Variants in DNTTIP1 observed in about 807,000 individuals in gnomAD.
DNTTIP1 encodes deoxynucleotidyltransferase terminal-interacting protein 1.
DNTTIP1 carries 22 observed loss-of-function variants against 52.9 expected under a neutral mutation model. That is an observed-to-expected ratio of 0.42 (90% CI 0.30 to 0.59). DNTTIP1 has a LOEUF of 0.59. DNTTIP1 is among the 20% of genes least tolerant of loss of function. DNTTIP1 has a pLI of 0.22. For missense variants in DNTTIP1, 286 were observed against 435.5 expected, an observed-to-expected ratio of 0.66 and a Z score of 3.06; for synonymous variants, 136 against 155.1, an observed-to-expected ratio of 0.88 and a Z score of 0.92.
intron 4 of DNTTIP1, among the ~76,000 whole-genome samples, chr20:45,797,950 A>C (rs985548678): frequency 1.3e-5 from 2 of 152,240 alleles, no homozygotes; most frequent in Non-Finnish European, 2.9e-5. Context: ...TAGAACTAGA[A>C]ATACCATTTG....
Position 45,803,364 on chromosome 20 carries a change from C to T in DNTTIP1, c.589C>T (p.Arg197Trp), listed in dbSNP as rs1312760829. The change falls in exon 8 of 13, where the codon CGG becomes TGG. Residue 197 changes from arginine to tryptophan, a missense_variant. Arg to Trp is a moderately radical substitution (Grantham distance 101). This residue lies in a region of DNTTIP1 where 208 missense variants were observed against 266.5 expected (regional missense o/e 0.78). Transcript: ENST00000372622. ...ACCAAAATCCTGTGAACCAATTCGC[C>T]GGGAAGGCCCCAAGGTATGATTATG... ...WKPKSCEPIR[R>W]EGPKWDPARL... 2.5e-6 allele frequency: 4 copies of T among 1,614,108 alleles called. No homozygotes were observed. The highest frequency in any genetic ancestry group is 1.1e-5 in the South Asian group (1 of 91,080).
intron 1 of DNTTIP1, 63 bp from the exon 2 acceptor site, chr20:45,792,614 T>A: frequency 1.9e-5 from 24 of 1,284,252 alleles, no homozygotes; most frequent in Non-Finnish European, 2.5e-5. Flanking sequence ...ATACCCACCC[T>A]CCACCTCCAC....
chr20:45,808,999 C>A, intron 10 of DNTTIP1, 115 bp from the exon 11 acceptor site: 1 of 888,116 alleles, frequency 1.1e-6, no homozygotes, highest in Non-Finnish European at 1.8e-6. Flanking sequence ...GTCCACCACG[C>A]TTGGAGACAA....
chr20:45,792,214 G>C (rs979327539), intron 1 of DNTTIP1, 105 bp downstream of exon 1: 1 of 691,890 alleles, frequency 1.4e-6, no homozygotes, highest in African/African-American at 1.8e-5. Context: ...AGCTGCAGAG[G>C]GGGTTGGCGT....
intron 7 of DNTTIP1, 146 bp downstream of exon 7, chr20:45,802,203 G>T (rs1981498329): frequency 2.3e-6 from 2 of 865,812 alleles, no homozygotes; most frequent in Non-Finnish European, 3.8e-6. Flanking sequence ...CTGGTTGGAG[G>T]GGTGAGGAAG....
chr20:45,794,098 CTTTCCT>C, intron 3 of DNTTIP1, 81 bp downstream of exon 3: 2 of 820,098 alleles, frequency 2.4e-6, no homozygotes. Flanking sequence ...CAGTCTGTCT[CTTTCCT>C]ACATACAGAT....
chr20:45,791,968 GAC>G lies in DNTTIP1; in HGVS notation c.-35_-34del. 2 of 1,212,592 alleles carry G rather than the reference GAC, an allele frequency of 1.6e-6. No homozygotes were observed. The highest frequency in any genetic ancestry group is 2.1e-6 in the Non-Finnish European group (2 of 966,246). The allele number at this position is 1,212,592 out of a possible 1,614,324, so 75.1% of individuals were successfully genotyped here. The stretch of plus-strand genomic sequence containing the variant: ...GTCACGGCGCCACTTTCCGGCCGGT[GAC>G]AGAGTCCAGCGGAGTTGTGGGGGCC... On this transcript the variant is annotated 5_prime_UTR_variant, in exon 1 of 13. Transcript: ENST00000372622.
chr20:45,804,405 C>G (rs558225368), intron 8 of DNTTIP1, among the ~76,000 whole-genome samples: 2 of 152,198 alleles, frequency 1.3e-5, no homozygotes, highest in Admixed American at 1.3e-4. Flanking sequence ...ACTGCTTTAT[C>G]ACAGCGGCCT....
In DNTTIP1 at chr20:45,792,025, C is replaced by T. The variant is rs1981030072; in HGVS notation, c.21C>T (p.Ala7=). ...GCGCCATGGGAGCCACTGGCGACGCCGAGCAGCCGCGGGGACCTAGCGGGG... is the reference window on the plus strand; with the variant it reads ...GCGCCATGGGAGCCACTGGCGACGCTGAGCAGCCGCGGGGACCTAGCGGGG... The part of the protein sequence containing the change: MGATGD[A]EQPRGPSGAE... The change falls in exon 1 of 13, where the codon GCC becomes GCT. Residue 7 remains alanine (A), a synonymous_variant. Coordinates refer to ENST00000372622, the MANE Select transcript of DNTTIP1 (RefSeq NM_052951.3). 15 of 1,270,956 alleles carry T rather than the reference C, an allele frequency of 1.2e-5. No individual in the cohort carries two copies. Among genetic ancestry groups the T allele is most frequent in the Non-Finnish European group, 1.4e-5 (14 of 1,007,420 alleles). The allele number at this position is 1,270,956 out of a possible 1,614,324, so 78.7% of individuals were successfully genotyped here. A position where few individuals can be genotyped will look rare whatever the true frequency, so the allele number is the denominator to read the frequency against.
At position 45,809,028 on chromosome 20, in the gene DNTTIP1, G is replaced by C; in HGVS notation, c.724-86G>C. ...GAGACAAGGACTTTTGGTAAGAACTGCTCAAGGGCCAAGAGTATGCTCTGG... is the reference window on the plus strand; with the variant it reads ...GAGACAAGGACTTTTGGTAAGAACTCCTCAAGGGCCAAGAGTATGCTCTGG... On this transcript the variant is annotated intron_variant, in intron 10 of 12. Transcript: ENST00000372622. This position sits in a 1 kb window ranked among gnomAD's most constrained non-coding sequence, Gnocchi z 4.2. 1 of 1,208,818 alleles carries C rather than the reference G, an allele frequency of 8.3e-7. No homozygotes were observed. Among genetic ancestry groups the C allele is most frequent in the South Asian group, 1.2e-5 (1 of 80,242 alleles). The allele number at this position is 1,208,818 out of a possible 1,614,324, so 74.9% of individuals were successfully genotyped here. A position where few individuals can be genotyped will look rare whatever the true frequency, so the allele number is the denominator to read the frequency against.
In DNTTIP1 at chr20:45,792,034, G is replaced by A; in HGVS notation, c.30G>A (p.Pro10=). MGATGDAEQ[P]RGPSGAERGG... ...GAGCCACTGGCGACGCCGAGCAGCCGCGGGGACCTAGCGGGGCCGAGAGGG... is the reference window on the plus strand; with the variant it reads ...GAGCCACTGGCGACGCCGAGCAGCCACGGGGACCTAGCGGGGCCGAGAGGG... Residue 10 remains proline, a synonymous_variant, in exon 1 of 13, where the codon CCG becomes CCA. Transcript: ENST00000372622. The A allele has an allele frequency of 7.8e-7, 1 of 1,276,424 alleles. No homozygotes were observed. Among genetic ancestry groups the A allele is most frequent in the Non-Finnish European group, 9.9e-7 (1 of 1,010,360 alleles). The allele number at this position is 1,276,424 out of a possible 1,614,324, so 79.1% of individuals were successfully genotyped here. A position where few individuals can be genotyped will look rare whatever the true frequency, so the allele number is the denominator to read the frequency against.
chr20:45,802,045 C>T lies in DNTTIP1; in HGVS notation c.545C>T (p.Ala182Val). ...PGHILSSDRA[A>V]AGMVWKPKSC... Reference sequence around the variant, plus strand: ...CACATCCTGTCAAGCGACCGGGCAGCCGCCGGCATGGTGTGAGTAGGGACC... The same window carrying T: ...CACATCCTGTCAAGCGACCGGGCAGTCGCCGGCATGGTGTGAGTAGGGACC... The change falls in exon 7 of 13, where the codon GCC (alanine) becomes GTC (valine). Residue 182 changes from alanine (A) to valine (V), a missense_variant. Transcript: ENST00000372622. The T allele has an allele frequency of 6.2e-7, 1 of 1,614,122 alleles. No homozygotes were observed. The highest frequency in any genetic ancestry group is 8.5e-7 in the Non-Finnish European group (1 of 1,180,046).
chr20:45,808,759 G>A (rs1981730984), intron 10 of DNTTIP1, among the ~76,000 whole-genome samples: 1 of 152,132 alleles, frequency 6.6e-6, no homozygotes, highest in Non-Finnish European at 1.5e-5. Context: ...CCCGATTTTT[G>A]TTTTATTATG....
intron 4 of DNTTIP1, among the ~76,000 whole-genome samples, chr20:45,800,718 T>C (rs867483418): frequency 1.9e-4 from 1 of 5,382 alleles, no homozygotes; most frequent in South Asian, 5.4e-3. Context: ...TATATATATA[T>C]ATATATATAT....
chr20:45,802,873 C>CTTTTTTTTTTTTTTTTTTTTTTTTGAG (rs1981519471), intron 7 of DNTTIP1: 1 of 153,420 alleles, frequency 6.5e-6, no homozygotes, highest in African/African-American at 2.4e-5. Context: ...GAATCTTTTT[C>CTTTTTTTTTTTTTTTTTTTTTTTTGAG]AAACAAAACT....
At chr20:45,801,896 G>T in intron 6 of DNTTIP1, 103 bp from the exon 7 acceptor site, 1 of 1,144,768 alleles carries the variant, frequency 8.7e-7, no homozygotes, top group South Asian at 1.2e-5. Context: ...AACATCATTT[G>T]ATCTCTTTGG....
In DNTTIP1 at chr20:45,803,757, CT is replaced by C. The variant is rs1601030140; in HGVS notation, c.603+383del. On this transcript the variant is annotated intron_variant, in intron 8 of 12. Coordinates refer to ENST00000372622, the MANE Select transcript of DNTTIP1 (RefSeq NM_052951.3). Reference sequence around the variant, plus strand: ...AACCATTCTATAAATGAGGCGTTTCCTTTTCTGCCAGCTTCCCTGTGGGCAT... The same window carrying C: ...AACCATTCTATAAATGAGGCGTTTCCTTTCTGCCAGCTTCCCTGTGGGCAT... Among the ~76,000 whole-genome samples, 3 of 152,186 alleles carry C rather than the reference CT, an allele frequency of 2.0e-5. No individual in the cohort carries two copies. The East Asian group carries it at 5.8e-4, about 29-fold the overall frequency.
At position 45,801,150 on chromosome 20, in the gene DNTTIP1, T is replaced by C; in HGVS notation, c.441+8T>C. Reference sequence around the variant, plus strand: ...GAGCTTCCAGGAATAAAGGTCAGAGTCACTGTGTTCTCGGGTATTGGAGCG... The same window carrying C: ...GAGCTTCCAGGAATAAAGGTCAGAGCCACTGTGTTCTCGGGTATTGGAGCG... On this transcript the variant is annotated splice_region_variant and intron_variant, in intron 5 of 12. Transcript: ENST00000372622. 6.2e-7 allele frequency: 1 copy of C among 1,612,446 alleles called. No individual in the cohort carries two copies. The highest frequency in any genetic ancestry group is 8.5e-7 in the Non-Finnish European group (1 of 1,179,248).
At position 45,811,204 on chromosome 20, in the gene DNTTIP1, C is replaced by A. The variant is rs758536488; in HGVS notation, c.*9C>A. 14 of 1,595,280 alleles carry A rather than the reference C, an allele frequency of 8.8e-6. No homozygotes were observed. Among genetic ancestry groups the A allele is most frequent in the Non-Finnish European group, 1.2e-5 (14 of 1,171,932 alleles). On this transcript the variant is annotated 3_prime_UTR_variant, in exon 13 of 13. Transcript: ENST00000372622. ...CACCTCCACAGACCTGAGGCCGGGT[C>A]CCCTGGCCACACTTGGCAGCCCTCC... is the stretch of plus-strand genomic sequence containing the variant.
Sources: allele counts gnomAD v4.1 joint callset (sites outside exome capture counted in the v4.1 genomes callset), GRCh38; gene constraint gnomAD v4.1.1; regional missense constraint gnomAD v4.1.1; non-coding constraint Gnocchi (gnomAD v3.1); transcripts MANE v1.5; gene names NCBI Gene and HGNC (gene_info 2026-07-23, HGNC 2026-07-21).